The following RERE variants were observed in gnomAD, a reference collection of about 807,000 sequenced individuals.
RERE encodes arginine-glutamic acid dipeptide repeats protein.
In RERE, 40 loss-of-function variants were observed where a neutral mutation model predicts 146.1. That is an observed-to-expected ratio of 0.27 (90% confidence interval 0.21 to 0.36). The LOEUF is 0.36. Among genes scored for constraint, RERE ranks in the 10% least tolerant of loss-of-function variants. RERE has a pLI of 1.00. For synonymous variants in RERE, 1,003 were observed against 866.0 expected, an observed-to-expected ratio of 1.16 and a Z score of -2.78; for missense variants, 1,933 against 2,138.7, an observed-to-expected ratio of 0.90 and a Z score of 1.90.
rs529645747 is a variant in RERE at position 8,389,891 on chromosome 1, T to A, written c.1285-23917A>T. Among the ~76,000 whole-genome samples, 46 of 152,270 alleles carry A rather than the reference T, an allele frequency of 3.0e-4. 2 individuals are homozygous for A. The South Asian group carries it at 4.8e-3, about 16-fold the overall frequency. ...CGCATCCACTTCTGCAAACAGTTCA[T>A]CACCTCCAACCACCAATGGCCAAAG... On this transcript the variant is annotated intron_variant, in intron 12 of 22. Transcript: ENST00000400908.
At chr1:8,454,803 T>TCAAA (rs546867618) in intron 11 of RERE, among the ~76,000 whole-genome samples, 338 of 151,380 alleles carry the variant, frequency 2.2e-3, no homozygotes, top group South Asian at 0.011. Context: ...AGACTCTGTT[T>TCAAA]CAAACAAACA....
chr1:8,725,783 C>T (rs1281860104), intron 1 of RERE, among the ~76,000 whole-genome samples: 1 of 152,032 alleles, frequency 6.6e-6, no homozygotes, highest in South Asian at 2.1e-4. Flanking sequence ...GATTAGATTT[C>T]CCTGAAAATG....
chr1:8,553,514 T>G (rs1645965771), intron 6 of RERE, among the ~76,000 whole-genome samples: 1 of 152,174 alleles, frequency 6.6e-6, no homozygotes, highest in African/African-American at 2.4e-5. Context: ...GCTTGTTCAG[T>G]GACCAAACAA....
At chr1:8,783,226 T>A (rs1641197791) in intron 1 of RERE, among the ~76,000 whole-genome samples, 1 of 151,914 alleles carries the variant, frequency 6.6e-6, no homozygotes. Flanking sequence ...TCCCATCTAC[T>A]TGGGAGGCTG....
chr1:8,498,730 T>TATATACACAC (rs1645083223), intron 8 of RERE, among the ~76,000 whole-genome samples: 1 of 11,858 alleles, frequency 8.4e-5, no homozygotes, highest in African/African-American at 1.9e-4. Flanking sequence ...AAAATAAATA[T>TATATACACAC]ATACACACAC....
At position 8,516,575 on chromosome 1, in the gene RERE, T is replaced by C. The variant is rs1645423168; in HGVS notation, c.831-7900A>G. Among the ~76,000 whole-genome samples the C allele has an allele frequency of 1.3e-5, 2 of 152,150 alleles. 1 individual carries two copies. The highest frequency in any genetic ancestry group is 4.1e-4 in the South Asian group (2 of 4,826). ...TCAGGTCACTGAAGCCAAGAGACGTTACGCAGTTGCCCAAGATTAAACAGC... is the reference window on the plus strand; with the variant it reads ...TCAGGTCACTGAAGCCAAGAGACGTCACGCAGTTGCCCAAGATTAAACAGC... On this transcript the variant is annotated intron_variant, in intron 7 of 22. Transcript: ENST00000400908.
intron 10 of RERE, among the ~76,000 whole-genome samples, chr1:8,469,854 C>A (rs1644656727): frequency 2.0e-5 from 3 of 152,070 alleles, no homozygotes; most frequent in Admixed American, 6.5e-5. Flanking sequence ...TGTGGTTGTT[C>A]CGTTTGTTAG....
At chr1:8,411,648 T>C (rs1643619111) in intron 12 of RERE, among the ~76,000 whole-genome samples, 2 of 152,198 alleles carry the variant, frequency 1.3e-5, no homozygotes, top group African/African-American at 4.8e-5. Context: ...TGGAAACAAA[T>C]GGCCAGCTGA....
intron 10 of RERE, among the ~76,000 whole-genome samples, chr1:8,471,728 G>A (rs537801311): frequency 7.9e-5 from 12 of 151,834 alleles, no homozygotes; most frequent in Non-Finnish European, 1.0e-4. Context: ...TGCCTAGTGC[G>A]GTCTCAGACT....
chr1:8,731,905 C>G (rs900891363), intron 1 of RERE, among the ~76,000 whole-genome samples: 1 of 152,180 alleles, frequency 6.6e-6, no homozygotes, highest in African/African-American at 2.4e-5. Context: ...TGGTTTCATG[C>G]CATTCTCCTG....
chr1:8,729,102 T>C (rs1418480318), intron 1 of RERE, among the ~76,000 whole-genome samples: 3 of 151,612 alleles, frequency 2.0e-5, no homozygotes, highest in Non-Finnish European at 4.4e-5. Context: ...AGGTGGAAGC[T>C]GCGGTGAGCT....
intron 11 of RERE, among the ~76,000 whole-genome samples, chr1:8,444,538 G>A (rs536398100): frequency 2.0e-5 from 3 of 152,218 alleles, no homozygotes; most frequent in Admixed American, 6.5e-5. Context: ...TGTGGTTTGC[G>A]GGAAGCCAGG....
chr1:8,486,741 C>T (rs749330465), intron 10 of RERE, among the ~76,000 whole-genome samples: 2 of 120,880 alleles, frequency 1.7e-5, no homozygotes, highest in East Asian at 2.4e-4. Context: ...GCCTTGGCAA[C>T]GTGGAGTCCA....
intron 4 of RERE, among the ~76,000 whole-genome samples, chr1:8,565,429 G>A (rs867699449): frequency 5.3e-5 from 8 of 152,198 alleles, no homozygotes; most frequent in Admixed American, 3.3e-4. Context: ...AAGAATGCCC[G>A]GGCACCGTGG....
intron 13 of RERE, among the ~76,000 whole-genome samples, chr1:8,365,549 G>A (rs776255056): frequency 7.9e-5 from 12 of 152,202 alleles, no homozygotes; most frequent in South Asian, 2.1e-4. Context: ...TGTATTTTTT[G>A]TAAAAACCTA....
chr1:8,786,426 G>A (rs571571043), intron 1 of RERE: 18 of 863,284 alleles, frequency 2.1e-5, no homozygotes, highest in South Asian at 1.3e-4. Flanking sequence ...CAATCAAAGC[G>A]TTATCTGTCA....
chr1:8,534,618 AT>A (rs2124376810), intron 7 of RERE, among the ~76,000 whole-genome samples: 1 of 152,336 alleles, frequency 6.6e-6, no homozygotes, highest in East Asian at 1.9e-4. Flanking sequence ...CTCAAAATGA[AT>A]AACAACAGCA....
intron 3 of RERE, among the ~76,000 whole-genome samples, chr1:8,619,590 T>C (rs1404160294): frequency 6.6e-6 from 1 of 152,106 alleles, no homozygotes; most frequent in Non-Finnish European, 1.5e-5. Context: ...TACTTATCTG[T>C]GAATAAAGAA....
chr1:8,389,972 C>T (rs757028021), intron 12 of RERE, among the ~76,000 whole-genome samples: 1 of 152,092 alleles, frequency 6.6e-6, no homozygotes, highest in Non-Finnish European at 1.5e-5. Flanking sequence ...AGACACAAAG[C>T]CAAACTAGAC....
Sources: allele counts gnomAD v4.1 joint callset (sites outside exome capture counted in the v4.1 genomes callset), GRCh38; gene constraint gnomAD v4.1.1; transcripts MANE v1.5; gene names NCBI Gene and HGNC (gene_info 2026-07-23, HGNC 2026-07-21).